The following LARS1 variants were observed in gnomAD, a reference collection of about 807,000 sequenced individuals.
The protein encoded by LARS1 is leucyl-tRNA synthetase 1.
Under a neutral mutation model 162.8 loss-of-function variants are expected in LARS1, and 100 were observed. That is an observed-to-expected ratio of 0.61 (90% confidence interval 0.52 to 0.73). The LOEUF (loss-of-function observed/expected upper bound fraction) is 0.73, where lower values mean the gene tolerates loss of function less well. Among genes scored for constraint, LARS1 ranks in the 30% least tolerant of loss-of-function variants. The pLI is 0.00. For missense variants in LARS1, 1,258 were observed against 1,408.9 expected (o/e 0.89, Z 1.71); for synonymous variants, 457 against 462.8 (o/e 0.99, Z 0.16).
At chr5:146,143,338 C>T in intron 19 of LARS1, 74 bp downstream of exon 19, 1 of 1,503,966 alleles carries the variant, frequency 6.6e-7, no homozygotes, top group Non-Finnish European at 9.0e-7. Flanking sequence ...CTTATTAAAA[C>T]ATTTAAATAC....
At chr5:146,150,916 G>C (rs532813206) in intron 14 of LARS1, among the ~76,000 whole-genome samples, 1 of 150,062 alleles carries the variant, frequency 6.7e-6, no homozygotes, top group Non-Finnish European at 1.5e-5. Context: ...TCCAGCCTGT[G>C]AGACAGAGCA....
chr5:146,115,925 G>A (rs2126344086), intron 31 of LARS1, among the ~76,000 whole-genome samples: 1 of 152,284 alleles, frequency 6.6e-6, no homozygotes, highest in Admixed American at 6.5e-5. Context: ...TAGTATAAGA[G>A]GGATAAGAGA....
rs1042128373 is a variant in LARS1, at chr5:146,143,618, G to C, written c.1739-68C>G. ...TCATCTATAGAATCCACATTTTTAA[G>C]AAGGGGGCTATAACATTTACAAAGC... On this transcript the variant is annotated intron_variant, in intron 18 of 31. Transcript: ENST00000394434. The C allele has an allele frequency of 1.5e-5, 22 of 1,425,584 alleles. No individual in the cohort carries two copies. In the African/African-American group the frequency reaches 2.9e-4, roughly 19 times the overall value. The allele number at this position is 1,425,584 out of a possible 1,614,324, so 88.3% of individuals were successfully genotyped here.
chr5:146,153,637 T>G, intron 12 of LARS1, 97 bp downstream of exon 12: 1 of 861,972 alleles, frequency 1.2e-6, no homozygotes, highest in Non-Finnish European at 1.9e-6. Flanking sequence ...TAAAGATAAA[T>G]GCATAGCTTT....
intron 13 of LARS1, among the ~76,000 whole-genome samples, chr5:146,152,731 T>C (rs953393529): frequency 6.6e-6 from 1 of 152,240 alleles, no homozygotes; most frequent in Non-Finnish European, 1.5e-5. Context: ...GGATCTTTCA[T>C]GAAATGAAAA....
chr5:146,123,556 C>T (rs138121058), intron 29 of LARS1, among the ~76,000 whole-genome samples: 1 of 151,506 alleles, frequency 6.6e-6, no homozygotes, highest in Non-Finnish European at 1.5e-5. Context: ...ATATCATGAA[C>T]CAATATATCA....
chr5:146,124,353 T>TA (rs1751957287), intron 28 of LARS1, among the ~76,000 whole-genome samples: 1 of 151,826 alleles, frequency 6.6e-6, no homozygotes, highest in African/African-American at 2.4e-5. Flanking sequence ...ATTTATAAAA[T>TA]AAATACGGTT....
intron 4 of LARS1, among the ~76,000 whole-genome samples, chr5:146,171,174 C>A (rs776584458): frequency 6.6e-6 from 1 of 151,806 alleles, no homozygotes; most frequent in Non-Finnish European, 1.5e-5. Context: ...CTAGCCAACA[C>A]GGGGAAACCT....
Position 146,120,497 on chromosome 5 carries a change from CACCAGGCTAGGAAAACA to C in LARS1, c.3193-11_3198del. ...TGGGGATTCACCAGAGAAACGGACACACCAGGCTAGGAAAACAACAAGAAAATGATTGTTTAACTTGA... is the reference window on the plus strand; with the variant it reads ...TGGGGATTCACCAGAGAAACGGACACACAAGAAAATGATTGTTTAACTTGA... On this transcript the variant is annotated splice_acceptor_variant and splice_polypyrimidine_tract_variant and coding_sequence_variant and intron_variant, in exon 31 of 32. Coordinates refer to ENST00000394434, the MANE Select transcript of LARS1 (RefSeq NM_020117.11). LOFTEE classifies it high-confidence loss of function. 3 of 1,610,316 alleles carry C rather than the reference CACCAGGCTAGGAAAACA, an allele frequency of 1.9e-6. No homozygotes were observed. The highest frequency in any genetic ancestry group is 2.5e-6 in the Non-Finnish European group (3 of 1,178,610).
chr5:146,181,711 C>A (rs1048472116), intron 1 of LARS1, among the ~76,000 whole-genome samples: 4 of 151,968 alleles, frequency 2.6e-5, no homozygotes, highest in Non-Finnish European at 5.9e-5. Flanking sequence ...CTCCCTAGCA[C>A]CCCTTCCTGC....
At position 146,146,532 on chromosome 5, in the gene LARS1, CAAAAAAAAAAAAA is replaced by C. The variant is rs573828595; in HGVS notation, c.1504-1836_1504-1824del. On this transcript the variant is annotated intron_variant, in intron 15 of 31. Transcript: ENST00000394434. ...ATACTGCCCCTACCTATGCCAGAAC[CAAAAAAAAAAAAA>C]AAAAAAAAAAGGCTAATTCTCTGGA... Among the ~76,000 whole-genome samples the C allele has an allele frequency of 7.9e-4, 21 of 26,490 alleles. No individual in the cohort carries two copies. In the South Asian group the frequency reaches 0.018, roughly 23 times the overall value. The allele number at this position is 26,490 out of a possible 152,430, so 17.4% of individuals were successfully genotyped here. A position where few individuals can be genotyped will look rare whatever the true frequency, so the allele number is the denominator to read the frequency against.
rs760458020 is a variant in LARS1 at position 146,164,518 on chromosome 5, C to T, written c.433-47G>A. 3.2e-6 allele frequency: 5 copies of T among 1,573,106 alleles called. No individual in the cohort carries two copies. In the East Asian group the frequency reaches 1.1e-4, roughly 35 times the overall value. Reference sequence around the variant, plus strand: ...AAACTCGATCAAAGAATAACCAACACTCCAGGAAAATGACCCAAGATATTA... The same window carrying T: ...AAACTCGATCAAAGAATAACCAACATTCCAGGAAAATGACCCAAGATATTA... On this transcript the variant is annotated intron_variant, in intron 5 of 31. Coordinates refer to ENST00000394434, the MANE Select transcript of LARS1 (RefSeq NM_020117.11).
At chr5:146,129,219 A>G in intron 25 of LARS1, 101 bp from the exon 26 acceptor site, 1 of 1,037,700 alleles carries the variant, frequency 9.6e-7, no homozygotes, top group African/African-American at 1.6e-5. Flanking sequence ...ACCATCTGTA[A>G]TTGTGTGCTC....
At chr5:146,144,432 C>T in intron 17 of LARS1, 40 bp downstream of exon 17, 1 of 1,599,808 alleles carries the variant, frequency 6.3e-7, no homozygotes, top group Non-Finnish European at 8.5e-7. Context: ...CCACATTTTT[C>T]ATCTCCTTTT....
intron 22 of LARS1, among the ~76,000 whole-genome samples, chr5:146,133,522 T>A (rs11954750): frequency 6.6e-6 from 1 of 151,958 alleles, no homozygotes; most frequent in Non-Finnish European, 1.5e-5. Flanking sequence ...TGAATTTTTC[T>A]CAGTTTTGAA....
chr5:146,129,727 C>A (rs1467826669), intron 25 of LARS1, among the ~76,000 whole-genome samples: 3 of 148,884 alleles, frequency 2.0e-5, no homozygotes, highest in Middle Eastern at 3.5e-3. Context: ...CACAAATATA[C>A]ACCTATATCT....
intron 14 of LARS1, among the ~76,000 whole-genome samples, chr5:146,150,319 T>C (rs189232315): frequency 2.0e-4 from 31 of 152,368 alleles, no homozygotes; most frequent in African/African-American, 6.7e-4. Context: ...TACATGACTC[T>C]TATATTTCTC....
chr5:146,121,056 TAATAG>T (rs1751799604), intron 30 of LARS1, among the ~76,000 whole-genome samples: 1 of 152,172 alleles, frequency 6.6e-6, no homozygotes, highest in Non-Finnish European at 1.5e-5. Context: ...CATAGTATCT[TAATAG>T]AATACTTGAA....
At chr5:146,165,941 C>G (rs1489523160) in intron 5 of LARS1, among the ~76,000 whole-genome samples, 1 of 152,010 alleles carries the variant, frequency 6.6e-6, no homozygotes, top group Non-Finnish European at 1.5e-5. Flanking sequence ...ACCCATGGTG[C>G]TAAAATGGAG....
Sources: gnomAD v4.1 joint callset for allele counts (sites outside exome capture counted in the v4.1 genomes callset) on GRCh38, gnomAD v4.1.1 for gene constraint, MANE v1.5 for transcripts, NCBI Gene and HGNC (gene_info 2026-07-23, HGNC 2026-07-21) for gene names.